Variants in GNAL observed in about 807,000 individuals in gnomAD.
GNAL encodes the protein guanine nucleotide-binding protein G(olf) subunit alpha.
GNAL carries 18 observed loss-of-function variants against 55.1 expected under a neutral mutation model. The ratio of observed to expected loss-of-function variants is 0.33; its 90% CI spans 0.23 to 0.48. The LOEUF (loss-of-function observed/expected upper bound fraction) is 0.48. GNAL is among the 20% of genes least tolerant of loss of function. GNAL has a pLI of 0.99. For missense variants in GNAL, 412 were observed against 614.1 expected, an observed-to-expected ratio of 0.67 and a Z score of 3.48; for synonymous variants, 253 against 237.0, an observed-to-expected ratio of 1.07 and a Z score of -0.62.
chr18:11,723,224 T>G (rs2032138767), intron 1 of GNAL, among the ~76,000 whole-genome samples: 1 of 152,186 alleles, frequency 6.6e-6, no homozygotes, highest in Non-Finnish European at 1.5e-5. Flanking sequence ...CTGTACAACA[T>G]GAAAACAGGC....
intron 5 of GNAL, 74 bp from the exon 6 acceptor site, chr18:11,862,316 ATGTCC>A: frequency 9.4e-7 from 1 of 1,061,072 alleles, no homozygotes; most frequent in African/African-American, 1.5e-5. Flanking sequence ...TACTTGGGTG[ATGTCC>A]CATTAATTTC....
intron 5 of GNAL, chr18:11,852,301 A>G (rs746486539): frequency 1.9e-5 from 13 of 670,210 alleles, no homozygotes; most frequent in Admixed American, 9.7e-5. Flanking sequence ...GCTGGATTCT[A>G]AAGTTCTGTA....
rs1311432181 is a variant in GNAL, at chr18:11,703,795, G to GCGCACACACACA, written c.376+13857_376+13858insGCACACACACAC. Reference sequence around the variant, plus strand: ...GGGATAGGAGGCCCAGTGTTGATGGGCACACACACACACACACACACACAC... The same window carrying GCGCACACACACA: ...GGGATAGGAGGCCCAGTGTTGATGGGCGCACACACACACACACACACACACACACACACACAC... On this transcript the variant is annotated intron_variant, in intron 1 of 11. Coordinates refer to ENST00000334049, the MANE Select transcript of GNAL (RefSeq NM_182978.4). Among the ~76,000 whole-genome samples, 108 of 141,494 alleles carry GCGCACACACACA rather than the reference G, an allele frequency of 7.6e-4. 1 individual carries two copies. The highest frequency in any genetic ancestry group is 2.6e-3 in the African/African-American group (98 of 37,946). The allele number at this position is 141,494 out of a possible 152,430, so 92.8% of individuals were successfully genotyped here. A position where few individuals can be genotyped will look rare whatever the true frequency, so the allele number is the denominator to read the frequency against.
chr18:11,864,427 G>A, intron 6 of GNAL, 106 bp from the exon 7 acceptor site: 9 of 743,826 alleles, frequency 1.2e-5, no homozygotes, highest in South Asian at 1.1e-4. Context: ...CCTTTACAGT[G>A]GAACAAATTA....
At chr18:11,737,034 G>T (rs1315467896) in intron 1 of GNAL, among the ~76,000 whole-genome samples, 1 of 152,222 alleles carries the variant, frequency 6.6e-6, no homozygotes, top group Non-Finnish European at 1.5e-5. Flanking sequence ...TGGGTGAAGA[G>T]CATGTGGAAC....
chr18:11,862,126 AC>A (rs2036159383), intron 5 of GNAL, among the ~76,000 whole-genome samples: 1 of 151,544 alleles, frequency 6.6e-6, no homozygotes, highest in African/African-American at 2.4e-5. Flanking sequence ...AGTAGCTCCC[AC>A]CCCCAGCGCT....
At chr18:11,736,798 G>A (rs930912926) in intron 1 of GNAL, among the ~76,000 whole-genome samples, 5 of 152,224 alleles carry the variant, frequency 3.3e-5, no homozygotes, top group Non-Finnish European at 7.3e-5. Flanking sequence ...TCTGTTAGCA[G>A]ACTTTGTATA....
intron 1 of GNAL, among the ~76,000 whole-genome samples, chr18:11,697,516 C>T (rs563461877): frequency 6.6e-6 from 1 of 151,646 alleles, no homozygotes; most frequent in South Asian, 2.1e-4. Flanking sequence ...TGAGATCGTG[C>T]CATTGCACTC....
Position 11,754,067 on chromosome 18 carries a change from C to G in GNAL, c.624+122C>G, listed in dbSNP as rs966523648. ...TTAACTTTCTTCGAAATCCAGCTCT[C>G]TAAATGCATAAGAGGAATACTTATT... On this transcript the variant is annotated intron_variant, in intron 4 of 11. Transcript: ENST00000334049. 12 of 746,104 alleles carry G rather than the reference C, an allele frequency of 1.6e-5. No homozygotes were observed. The African/African-American group carries it at 2.1e-4, about 13-fold the overall frequency. The allele number at this position is 746,104 out of a possible 1,614,324, so 46.2% of individuals were successfully genotyped here. A position where few individuals can be genotyped will look rare whatever the true frequency, so the allele number is the denominator to read the frequency against.
At chr18:11,758,493 C>T (rs2033135125) in intron 4 of GNAL, among the ~76,000 whole-genome samples, 1 of 152,182 alleles carries the variant, frequency 6.6e-6, no homozygotes, top group Non-Finnish European at 1.5e-5. Flanking sequence ...AATAAAAAAA[C>T]TCCAGTTATC....
chr18:11,809,669 G>C (rs972985274), intron 4 of GNAL, among the ~76,000 whole-genome samples: 6 of 152,112 alleles, frequency 3.9e-5, no homozygotes, highest in Non-Finnish European at 8.8e-5. Flanking sequence ...CAAGGCAAAG[G>C]TTGCAGTGAA....
At chr18:11,748,753 C>A (rs1332284485) in intron 1 of GNAL, among the ~76,000 whole-genome samples, 1 of 151,980 alleles carries the variant, frequency 6.6e-6, no homozygotes, top group East Asian at 1.9e-4. Flanking sequence ...TTATAGAAAT[C>A]TTGACATTAA....
intron 1 of GNAL, among the ~76,000 whole-genome samples, chr18:11,712,822 C>T (rs1293603189): frequency 2.6e-5 from 4 of 152,144 alleles, no homozygotes; most frequent in African/African-American, 9.7e-5. Context: ...TTTCCTTGCT[C>T]GTAGTAGCTG....
intron 5 of GNAL, among the ~76,000 whole-genome samples, chr18:11,854,733 A>G (rs541906688): frequency 1.3e-5 from 2 of 152,192 alleles, no homozygotes; most frequent in East Asian, 1.9e-4. Context: ...GTGAGCCAAG[A>G]TTGCGCCATT....
At chr18:11,783,409 A>G (rs1473818186) in intron 4 of GNAL, among the ~76,000 whole-genome samples, 1 of 152,262 alleles carries the variant, frequency 6.6e-6, no homozygotes, top group Non-Finnish European at 1.5e-5. Context: ...TTTCAACATC[A>G]TAAATACTCT....
intron 4 of GNAL, among the ~76,000 whole-genome samples, chr18:11,757,401 A>G (rs2866279): frequency 0.33 from 49,552 of 152,008 alleles, 8,934 homozygotes; most frequent in African/African-American, 0.48. Context: ...CTGGCTGTGG[A>G]TGGAGAACGG....
At chr18:11,833,493 T>C (rs1420370668) in intron 5 of GNAL, 2 of 152,248 alleles carry the variant, frequency 1.3e-5, no homozygotes, top group African/African-American at 4.8e-5. Flanking sequence ...ATGTTTCTTT[T>C]ATTCTCCTCT....
chr18:11,689,689 G>A lies in GNAL; in HGVS notation c.126G>A (p.Arg42=), dbSNP rs1428972615. The A allele has an allele frequency of 6.8e-7, 1 of 1,466,210 alleles. No homozygotes were observed. The highest frequency in any genetic ancestry group is 9.0e-7 in the Non-Finnish European group (1 of 1,114,350). The allele number at this position is 1,466,210 out of a possible 1,614,324, so 90.8% of individuals were successfully genotyped here. The change falls in exon 1 of 12, where the codon CGG becomes CGA. Residue 42 remains arginine (R), a synonymous_variant. Transcript: ENST00000334049. ...CGGCCCCGGCCCTGGCCCCAGTCCGGGCGGCCGCAAGGGACACGGCCCGGA... is the reference window on the plus strand; with the variant it reads ...CGGCCCCGGCCCTGGCCCCAGTCCGAGCGGCCGCAAGGGACACGGCCCGGA... ...PAPAPALAPV[R]AAARDTARTL... is the part of the protein sequence containing the mutation.
At chr18:11,712,605 A>G (rs1208826568) in intron 1 of GNAL, among the ~76,000 whole-genome samples, 1 of 152,208 alleles carries the variant, frequency 6.6e-6, no homozygotes, top group Non-Finnish European at 1.5e-5. Context: ...AGACCAAAGG[A>G]TGGTGTGTGA....
Sources: allele counts gnomAD v4.1 joint callset (sites outside exome capture counted in the v4.1 genomes callset), GRCh38; gene constraint gnomAD v4.1.1; transcripts MANE v1.5; gene names NCBI Gene and HGNC (gene_info 2026-07-23, HGNC 2026-07-21).